GALNT13: variants seen among roughly 807,000 people sequenced by gnomAD.
GALNT13 encodes the protein polypeptide N-acetylgalactosaminyltransferase 13.
Under a neutral mutation model 64.2 loss-of-function variants are expected in GALNT13, and 28 were observed. The ratio of observed to expected loss-of-function variants is 0.44; its 90% confidence interval spans 0.32 to 0.60. GALNT13 has a LOEUF of 0.60. Among genes scored for constraint, GALNT13 ranks in the 20% least tolerant of loss-of-function variants. The probability of loss-of-function intolerance (pLI) is 0.05; values close to 1 mark genes in which losing one functional copy is unlikely to be tolerated. For synonymous variants in GALNT13, 214 were observed against 224.6 expected (o/e 0.95, Z 0.42); for missense variants, 577 against 669.8 (o/e 0.86, Z 1.53).
At chr2:154,267,063 T>A (rs1346077179) in intron 8 of GALNT13, among the ~76,000 whole-genome samples, 1 of 152,074 alleles carries the variant, frequency 6.6e-6, no homozygotes, top group Non-Finnish European at 1.5e-5. Context: ...GACAACTGAT[T>A]TCTAACAAAT....
chr2:153,722,703 G>C, the GALNT13 span, among the ~76,000 whole-genome samples: 2 of 152,206 alleles, frequency 1.3e-5, no homozygotes, highest in East Asian at 1.9e-4. Flanking sequence ...AGAAAATCTA[G>C]AAGAAACGGA....
At chr2:153,504,985 G>A in the GALNT13 span, among the ~76,000 whole-genome samples, 1 of 152,130 alleles carries the variant, frequency 6.6e-6, no homozygotes, top group Non-Finnish European at 1.5e-5. Flanking sequence ...ATGTCTGATA[G>A]AATTCAGCAG....
At chr2:154,092,020 A>G (rs1701835668) in intron 3 of GALNT13, among the ~76,000 whole-genome samples, 2 of 150,710 alleles carry the variant, frequency 1.3e-5, no homozygotes, top group Non-Finnish European at 3.0e-5. Flanking sequence ...GTGTTACTAC[A>G]AGCTAAGTAC....
the GALNT13 span, among the ~76,000 whole-genome samples, chr2:153,496,996 AAAAAAAAAAAAAAAAAAG>A: frequency 2.4e-5 from 1 of 41,956 alleles, no homozygotes; most frequent in South Asian, 1.3e-3. Flanking sequence ...TTTGTCTCAA[AAAAAAAAAAAAAAAAAAG>A]AAAAAAGAAA....
chr2:153,110,437 C>T, the GALNT13 span, among the ~76,000 whole-genome samples: 2 of 152,010 alleles, frequency 1.3e-5, no homozygotes, highest in South Asian at 2.1e-4. Context: ...TTTTTGAAAA[C>T]GCTGTTCTTT....
the GALNT13 span, among the ~76,000 whole-genome samples, chr2:153,503,404 A>C: frequency 1.3e-5 from 2 of 151,920 alleles, no homozygotes; most frequent in African/African-American, 4.8e-5. Flanking sequence ...TGGGTTCTCT[A>C]TTCTGTTCCA....
intron 4 of GALNT13, among the ~76,000 whole-genome samples, chr2:154,222,207 G>A (rs1411981804): frequency 6.6e-6 from 1 of 152,008 alleles, no homozygotes; most frequent in Non-Finnish European, 1.5e-5. Context: ...CAGATCCTAT[G>A]TAAGAAGTCT....
At chr2:154,239,898 A>G (rs955093203) in intron 4 of GALNT13, among the ~76,000 whole-genome samples, 9 of 152,286 alleles carry the variant, frequency 5.9e-5, no homozygotes, top group South Asian at 2.1e-4. Flanking sequence ...ATATGCCTTC[A>G]TCTTCCACAT....
chr2:153,132,182 A>G, the GALNT13 span, among the ~76,000 whole-genome samples: 1 of 152,174 alleles, frequency 6.6e-6, no homozygotes, highest in South Asian at 2.1e-4. Flanking sequence ...GAAGAGTATC[A>G]GTCAAACATG....
intron 3 of GALNT13, among the ~76,000 whole-genome samples, chr2:154,129,819 T>C (rs570344060): frequency 6.6e-6 from 1 of 152,264 alleles, no homozygotes; most frequent in South Asian, 2.1e-4. Flanking sequence ...GCGAGAGGAC[T>C]GTTAATGTAC....
the GALNT13 span, among the ~76,000 whole-genome samples, chr2:153,287,672 G>A: frequency 6.6e-6 from 1 of 151,980 alleles, no homozygotes; most frequent in Admixed American, 6.6e-5. Context: ...GGTGCCTGTC[G>A]GTGTGCTCTT....
chr2:153,418,705 G>A, the GALNT13 span, among the ~76,000 whole-genome samples: 13 of 152,060 alleles, frequency 8.5e-5, 1 homozygote, highest in African/African-American at 3.1e-4. Context: ...CGAGAGAGTG[G>A]AGGGTAGCCG....
chr2:154,059,983 T>C (rs1700089811), intron 3 of GALNT13, among the ~76,000 whole-genome samples: 2 of 152,146 alleles, frequency 1.3e-5, no homozygotes, highest in South Asian at 4.1e-4. Flanking sequence ...ACTGTGATGG[T>C]ATTTGGAGAT....
At chr2:153,382,055 C>A in the GALNT13 span, among the ~76,000 whole-genome samples, 36 of 151,960 alleles carry the variant, frequency 2.4e-4, no homozygotes, top group Non-Finnish European at 7.4e-5. Context: ...TGCTGATAAC[C>A]AAGACTGAAC....
rs535507393 is a variant in GALNT13, at chr2:154,338,315, A to T, written c.1156+36726A>T. Among the ~76,000 whole-genome samples the T allele has an allele frequency of 9.9e-5, 15 of 152,136 alleles. No homozygotes were observed. The East Asian group carries it at 2.9e-3, about 29-fold the overall frequency. The stretch of plus-strand genomic sequence containing the variant: ...GAATAACCAATTTAAAATCTTAGTC[A>T]ACTTTATAGGTGAAAAGTCTTTCAT... On this transcript the variant is annotated intron_variant, in intron 9 of 12. Coordinates refer to ENST00000392825, the MANE Select transcript of GALNT13 (RefSeq NM_052917.4).
intron 9 of GALNT13, among the ~76,000 whole-genome samples, chr2:154,376,867 G>C (rs1040462975): frequency 5.9e-5 from 9 of 152,064 alleles, no homozygotes; most frequent in African/African-American, 1.9e-4. Flanking sequence ...AGGATTTGCA[G>C]ATGCGTTCTC....
intron 3 of GALNT13, among the ~76,000 whole-genome samples, chr2:154,034,856 G>A (rs1371220171): frequency 6.7e-6 from 1 of 149,168 alleles, no homozygotes; most frequent in Non-Finnish European, 1.5e-5. Flanking sequence ...TAAAACCGTC[G>A]TGAGGTATCA....
intron 1 of GALNT13, among the ~76,000 whole-genome samples, chr2:153,883,893 G>A (rs73966852): frequency 1.3e-3 from 196 of 152,026 alleles, no homozygotes; most frequent in African/African-American, 4.5e-3. Context: ...TCTTTTGATT[G>A]ATTTTCAGTC....
At chr2:153,199,704 G>T in the GALNT13 span, among the ~76,000 whole-genome samples, 1 of 152,134 alleles carries the variant, frequency 6.6e-6, no homozygotes, top group Admixed American at 6.5e-5. Flanking sequence ...AAGATATGTT[G>T]TCCTATGTTT....
Sources: gnomAD v4.1 joint callset for allele counts (sites outside exome capture counted in the v4.1 genomes callset) on GRCh38, gnomAD v4.1.1 for gene constraint, MANE v1.5 for transcripts, NCBI Gene and HGNC (gene_info 2026-07-23, HGNC 2026-07-21) for gene names.